C6orf132: variants seen among roughly 807,000 people sequenced by gnomAD.
C6orf132 encodes the protein uncharacterized protein C6orf132.
A neutral mutation model predicts 65.3 loss-of-function variants in C6orf132; 43 were observed. The ratio of observed to expected loss-of-function variants is 0.66; its 90% CI spans 0.52 to 0.85. C6orf132 has a LOEUF of 0.85. C6orf132 is among the 40% of genes least tolerant of loss of function. The pLI is 0.00. For missense variants in C6orf132, 1,488 were observed against 1,548.8 expected, an observed-to-expected ratio of 0.96 and a Z score of 0.66; for synonymous variants, 631 against 654.1, an observed-to-expected ratio of 0.96 and a Z score of 0.54.
At chr6:42,137,406 G>A (rs1766961199) in intron 1 of C6orf132, among the ~76,000 whole-genome samples, 1 of 152,114 alleles carries the variant, frequency 6.6e-6, no homozygotes, top group South Asian at 2.1e-4. Context: ...AACAAAAGTT[G>A]GTAGGCTGGT....
intron 3 of C6orf132, among the ~76,000 whole-genome samples, chr6:42,108,529 C>A (rs1447539596): frequency 1.3e-5 from 2 of 152,170 alleles, no homozygotes; most frequent in East Asian, 1.9e-4. Flanking sequence ...GAGAGACCCG[C>A]AGGAGGGAGC....
rs1427143248 is a variant in C6orf132, at chr6:42,105,487, G to A, written c.2425C>T (p.Leu809=). ...GCCGAGGCAGGAGGCTTGGCTGGCAGCCCTGGGGGCTCCTTCACCTCCACG... is the reference window on the plus strand; with the variant it reads ...GCCGAGGCAGGAGGCTTGGCTGGCAACCCTGGGGGCTCCTTCACCTCCACG... The part of the protein sequence containing the change: ...EPVEVKEPPG[L]PAKPPASAQP... Residue 809 remains leucine (L), a synonymous_variant, in exon 4 of 5, where the codon CTG becomes TTG. Transcript: ENST00000341865. The A allele has an allele frequency of 6.5e-7, 1 of 1,533,432 alleles. No individual in the cohort carries two copies. 95.0% of individuals were successfully genotyped at this position (1,533,432 alleles called of 1,614,324 possible).
At chr6:42,132,439 A>G (rs988338369) in intron 1 of C6orf132, among the ~76,000 whole-genome samples, 7 of 150,996 alleles carry the variant, frequency 4.6e-5, no homozygotes, top group African/African-American at 1.7e-4. Flanking sequence ...CACTTGAACC[A>G]GGGAGGCGGA....
In C6orf132 at chr6:42,106,912, C is replaced by A; in HGVS notation, c.1000G>T (p.Ala334Ser). 12 of 1,535,946 alleles carry A rather than the reference C, an allele frequency of 7.8e-6. No homozygotes were observed. The highest frequency in any genetic ancestry group is 9.6e-6 in the Non-Finnish European group (11 of 1,146,388). Residue 334 changes from alanine (A) to serine (S), a missense_variant, in exon 4 of 5, where the codon GCT becomes TCT. Physicochemically the swap from Ala to Ser is moderately conservative, Grantham distance 99. Transcript: ENST00000341865. ...GGAGGCAGTGGGAGTCGGCTGGGAGCCTTCTTGGTGGCCCCCTCTTCCTTT... is the reference window on the plus strand; with the variant it reads ...GGAGGCAGTGGGAGTCGGCTGGGAGACTTCTTGGTGGCCCCCTCTTCCTTT... ...PRKEEGATKKAPSRLPLPPSF... is the reference protein window; with the variant it reads ...PRKEEGATKKSPSRLPLPPSF...
At position 42,106,122 on chromosome 6, in the gene C6orf132, C is replaced by G. The variant is rs1368844150; in HGVS notation, c.1790G>C (p.Gly597Ala). Residue 597 changes from glycine to alanine, a missense_variant, in exon 4 of 5, where the codon GGG becomes GCG. Physicochemically the swap from Gly to Ala is moderately conservative, Grantham distance 60. Transcript: ENST00000341865. ...GSLPPKPRLEGGRICENGADD... is the reference protein window; with the variant it reads ...GSLPPKPRLEAGRICENGADD... The stretch of plus-strand genomic sequence containing the variant: ...AGCCCCGTTTTCACAAATTCTTCCC[C>G]CTTCTAGCCGAGGCTTAGGGGGCAG... The G allele has an allele frequency of 6.5e-7, 1 of 1,537,252 alleles. No individual in the cohort carries two copies. The highest frequency in any genetic ancestry group is 1.7e-4 in the Middle Eastern group (1 of 5,990).
chr6:42,105,661 A>G lies in C6orf132; in HGVS notation c.2251T>C (p.Ser751Pro). 6.5e-7 allele frequency: 1 copy of G among 1,537,246 alleles called. No individual in the cohort carries two copies. Among genetic ancestry groups the G allele is most frequent in the South Asian group, 1.2e-5 (1 of 84,062 alleles). ...GATGTCTTTGGTGGGAAGGCTGCAG[A>G]TGAGCGGGCTCCCTGTGTGGGCAGC... ...TRLPTQGARS[S>P]AAFPPKTSPG... Residue 751 changes from serine (S) to proline (P), a missense_variant, in exon 4 of 5, where the codon TCT becomes CCT. By Grantham distance (74) the Ser-to-Pro change is moderately conservative (BLOSUM62 -1). Transcript: ENST00000341865.
At position 42,106,962 on chromosome 6, in the gene C6orf132, A is replaced by G; in HGVS notation, c.950T>C (p.Val317Ala). 6.5e-7 allele frequency: 1 copy of G among 1,534,420 alleles called. No homozygotes were observed. Among genetic ancestry groups the G allele is most frequent in the Non-Finnish European group, 8.7e-7 (1 of 1,146,154 alleles). ...PTPVRTSSIP[V>A]QEAQEAPRKE... ...TCGGGGAGCCTCTTGTGCTTCCTGA[A>G]CTGGGATGGACGAAGTCCTGACTGG... The change falls in exon 4 of 5, where the codon GTT (valine) becomes GCT (alanine). Residue 317 changes from valine to alanine, a missense_variant. Coordinates refer to ENST00000341865, the MANE Select transcript of C6orf132 (RefSeq NM_001164446.3).
Position 42,110,311 on chromosome 6 carries a change from AATC to A in C6orf132, c.253-23_253-21del. On this transcript the variant is annotated intron_variant, in intron 2 of 4. Coordinates refer to ENST00000341865, the MANE Select transcript of C6orf132 (RefSeq NM_001164446.3). ...GGCATTCTGAAAGAGACCAGAAAGA[AATC>A]AGGGGACAGGGAAAGATGGACAGAT... 1.3e-6 allele frequency: 2 copies of A among 1,534,346 alleles called. No homozygotes were observed. Among genetic ancestry groups the A allele is most frequent in the Non-Finnish European group, 1.8e-6 (2 of 1,137,164 alleles).
intron 1 of C6orf132, among the ~76,000 whole-genome samples, chr6:42,130,133 A>G (rs1766828548): frequency 1.3e-5 from 2 of 152,142 alleles, no homozygotes; most frequent in African/African-American, 4.8e-5. Flanking sequence ...TGGCTGGGAC[A>G]CTCAAGCTTC....
In C6orf132 at chr6:42,101,414, G is replaced by C. The variant is rs1337296688; in HGVS notation, c.*2347C>G. The C allele has an allele frequency of 6.6e-6, 1 of 152,218 alleles. No homozygotes were observed. The highest frequency in any genetic ancestry group is 1.9e-4 in the East Asian group (1 of 5,204). 9.4% of individuals were successfully genotyped at this position (152,218 alleles called of 1,614,324 possible). A position where few individuals can be genotyped will look rare whatever the true frequency, so the allele number is the denominator to read the frequency against. ...GTGCTTTTTCAATCCTCTTCCACCA[G>C]ACAGACTATTAGCTTGCCATGAACA... On this transcript the variant is annotated 3_prime_UTR_variant, in exon 5 of 5. Coordinates refer to ENST00000341865, the MANE Select transcript of C6orf132 (RefSeq NM_001164446.3).
At position 42,103,783 on chromosome 6, in the gene C6orf132, G is replaced by A; in HGVS notation, c.3545C>T (p.Ala1182Val). 2.1e-6 allele frequency: 3 copies of A among 1,444,166 alleles called. No homozygotes were observed. Among genetic ancestry groups the A allele is most frequent in the Non-Finnish European group, 2.7e-6 (3 of 1,099,202 alleles). The allele number at this position is 1,444,166 out of a possible 1,614,324, so 89.5% of individuals were successfully genotyped here. The change falls in exon 5 of 5, where the codon GCC (alanine) becomes GTC (valine). Residue 1182 changes from alanine to valine, a missense_variant. By Grantham distance (64) the Ala-to-Val change is moderately conservative. Transcript: ENST00000341865. ...RHPISYVCSG[A>V]HRKATS ...GGCTCAGGAGGTGGCTTTCCGATGG[G>A]CCCCTGAGCAGACATAGGAGATGGG... is the stretch of plus-strand genomic sequence containing the variant.
chr6:42,138,850 A>AACACACACACAC (rs59373265), intron 1 of C6orf132, among the ~76,000 whole-genome samples: 12,182 of 142,762 alleles, frequency 0.085, 673 homozygotes, highest in East Asian at 0.23. Context: ...CATGCATTTA[A>AACACACACACAC]ACACACACAC....
At chr6:42,131,695 C>T (rs1484709308) in intron 1 of C6orf132, among the ~76,000 whole-genome samples, 1 of 152,154 alleles carries the variant, frequency 6.6e-6, no homozygotes, top group Non-Finnish European at 1.5e-5. Flanking sequence ...TGAACTGTGG[C>T]CGTCTGACCC....
rs929487159 is a variant in C6orf132, at chr6:42,103,066, C to T, written c.*695G>A. 13 of 398,570 alleles carry T rather than the reference C, an allele frequency of 3.3e-5. No individual in the cohort carries two copies. The highest frequency in any genetic ancestry group is 2.7e-4 in the African/African-American group (13 of 48,624). The allele number at this position is 398,570 out of a possible 1,614,324, so 24.7% of individuals were successfully genotyped here. ...GCCTCCCTGTAGCTAAGGGCTAGGGCCAAGGAAAAATGAACCATCAATCTC... is the reference window on the plus strand; with the variant it reads ...GCCTCCCTGTAGCTAAGGGCTAGGGTCAAGGAAAAATGAACCATCAATCTC... On this transcript the variant is annotated 3_prime_UTR_variant, in exon 5 of 5. Coordinates refer to ENST00000341865, the MANE Select transcript of C6orf132 (RefSeq NM_001164446.3).
Position 42,103,711 on chromosome 6 carries a change from A to G in C6orf132, c.*50T>C. The stretch of plus-strand genomic sequence containing the variant: ...CACCCCCCACAAGAAACAAGTGCCC[A>G]GATCCTTAAAGACACAGTTTGTTGG... On this transcript the variant is annotated 3_prime_UTR_variant, in exon 5 of 5. Coordinates refer to ENST00000341865, the MANE Select transcript of C6orf132 (RefSeq NM_001164446.3). 2 of 1,189,162 alleles carry G rather than the reference A, an allele frequency of 1.7e-6. No homozygotes were observed. The highest frequency in any genetic ancestry group is 2.2e-6 in the Non-Finnish European group (2 of 923,534). The allele number at this position is 1,189,162 out of a possible 1,614,324, so 73.7% of individuals were successfully genotyped here.
intron 2 of C6orf132, among the ~76,000 whole-genome samples, chr6:42,110,950 G>A (rs1038385930): frequency 6.6e-6 from 1 of 152,162 alleles, no homozygotes; most frequent in Non-Finnish European, 1.5e-5. Context: ...AAATAGGGAG[G>A]ATTGACTGTA....
In C6orf132 at chr6:42,104,635, C is replaced by G; in HGVS notation, c.3277G>C (p.Gly1093Arg). 2 of 1,420,780 alleles carry G rather than the reference C, an allele frequency of 1.4e-6. No individual in the cohort carries two copies. Among genetic ancestry groups the G allele is most frequent in the South Asian group, 1.5e-5 (1 of 68,150 alleles). 88.0% of individuals were successfully genotyped at this position (1,420,780 alleles called of 1,614,324 possible). Residue 1093 changes from glycine to arginine, a missense_variant, in exon 4 of 5, where the codon GGG becomes CGG. Physicochemically the swap from Gly to Arg is moderately radical, Grantham distance 125. Coordinates refer to ENST00000341865, the MANE Select transcript of C6orf132 (RefSeq NM_001164446.3). The surrounding 1 kb of genome is among the most constrained non-coding windows in gnomAD (Gnocchi z 4.1). Reference sequence around the variant, plus strand: ...ATCTCGGGGCCTCCGGGCTGCGGCCCGAAGCAGTTGGGAGAGCTCAGGCTG... The same window carrying G: ...ATCTCGGGGCCTCCGGGCTGCGGCCGGAAGCAGTTGGGAGAGCTCAGGCTG... ...GRSLSSPNCF[G>R]PQPGGPEMRR...
intron 3 of C6orf132, among the ~76,000 whole-genome samples, chr6:42,108,376 A>C (rs1766446400): frequency 6.6e-6 from 1 of 152,194 alleles, no homozygotes; most frequent in African/African-American, 2.4e-5. Context: ...CCAGGCCTCC[A>C]GTAGGCATTT....
At chr6:42,125,250 G>A (rs558504980) in intron 2 of C6orf132, among the ~76,000 whole-genome samples, 1 of 152,302 alleles carries the variant, frequency 6.6e-6, no homozygotes, top group Non-Finnish European at 1.5e-5. Flanking sequence ...CCTGGAGCCT[G>A]GCTTCAGGGA....
Sources: allele counts gnomAD v4.1 joint callset (sites outside exome capture counted in the v4.1 genomes callset), GRCh38; gene constraint gnomAD v4.1.1; non-coding constraint Gnocchi (gnomAD v3.1); transcripts MANE v1.5; gene names NCBI Gene and HGNC (gene_info 2026-07-23, HGNC 2026-07-21).